The following LNX1 variants were observed in gnomAD, a reference collection of about 807,000 sequenced individuals.
LNX1 encodes the protein E3 ubiquitin-protein ligase LNX.
LNX1 carries 54 observed loss-of-function variants against 68.4 expected under a neutral mutation model. The ratio of observed to expected loss-of-function variants is 0.79; its 90% CI spans 0.63 to 0.99. LNX1 has a LOEUF of 0.99. LNX1 is among the 50% of genes least tolerant of loss of function. The pLI is 0.00. For missense variants in LNX1, 906 were observed against 926.4 expected, an observed-to-expected ratio of 0.98 and a Z score of 0.29; for synonymous variants, 336 against 350.0, an observed-to-expected ratio of 0.96 and a Z score of 0.45.
intron 2 of LNX1, among the ~76,000 whole-genome samples, chr4:53,526,010 T>G (rs559099148): frequency 1.3e-5 from 2 of 152,218 alleles, no homozygotes; most frequent in Non-Finnish European, 2.9e-5. Context: ...ATCAATAACT[T>G]GTTTATTGAC....
intron 1 of LNX1, among the ~76,000 whole-genome samples, chr4:53,651,871 T>G (rs1261117542): frequency 6.6e-6 from 1 of 152,166 alleles, no homozygotes; most frequent in Non-Finnish European, 1.5e-5. Flanking sequence ...TCATTTTCAT[T>G]TGTGAAAGTA....
intron 2 of LNX1, among the ~76,000 whole-genome samples, chr4:53,511,835 C>T (rs1248745546): frequency 6.6e-5 from 10 of 152,140 alleles, no homozygotes; most frequent in African/African-American, 2.4e-4. Flanking sequence ...AACAGGGCAG[C>T]GTGATCTGGG....
At chr4:53,508,356 G>C in intron 2 of LNX1, 129 bp from the exon 3 acceptor site, 2 of 1,121,786 alleles carry the variant, frequency 1.8e-6, no homozygotes, top group Non-Finnish European at 2.5e-6. Context: ...TTTGCCTGCC[G>C]CTATATCCTC....
At chr4:53,513,596 C>T (rs1726526905) in intron 2 of LNX1, among the ~76,000 whole-genome samples, 1 of 152,218 alleles carries the variant, frequency 6.6e-6, no homozygotes, top group Non-Finnish European at 1.5e-5. Flanking sequence ...ATCTGTCATT[C>T]AGGCCAAAAA....
At chr4:53,563,007 C>T (rs1378951329) in intron 2 of LNX1, among the ~76,000 whole-genome samples, 1 of 152,098 alleles carries the variant, frequency 6.6e-6, no homozygotes, top group Non-Finnish European at 1.5e-5. Context: ...GAGATCGAGA[C>T]CATTCTGGCT....
At chr4:53,644,799 A>G (rs1734821913) in intron 1 of LNX1, among the ~76,000 whole-genome samples, 1 of 152,140 alleles carries the variant, frequency 6.6e-6, no homozygotes, top group South Asian at 2.1e-4. Context: ...GGTCGTTATT[A>G]CCAACCCAGA....
chr4:53,592,215 C>G (rs1732542019), upstream of LNX1, among the ~76,000 whole-genome samples: 1 of 151,892 alleles, frequency 6.6e-6, no homozygotes, highest in Non-Finnish European at 1.5e-5. Flanking sequence ...CAATTAGGAG[C>G]AATTTAAATG....
intron 6 of LNX1, among the ~76,000 whole-genome samples, chr4:53,484,728 A>G (rs1217250056): frequency 6.6e-6 from 1 of 152,154 alleles, no homozygotes; most frequent in African/African-American, 2.4e-5. Flanking sequence ...GTGGCTGTAA[A>G]TTAAAGGAAC....
Position 53,493,843 on chromosome 4 carries a change from C to T in LNX1, c.1350+2180G>A, listed in dbSNP as rs531148626. Among the ~76,000 whole-genome samples, 5 of 152,338 alleles carry T rather than the reference C, an allele frequency of 3.3e-5. No homozygotes were observed. In the East Asian group the frequency reaches 9.6e-4, roughly 29 times the overall value. On this transcript the variant is annotated intron_variant, in intron 6 of 10. Coordinates refer to ENST00000263925, the MANE Select transcript of LNX1 (RefSeq NM_001126328.3). ...CCGCTGGATCTTGCCCTTCTCTTTT[C>T]AGCTCTCCACTGACTTGAGAGAGAT...
intron 2 of LNX1, among the ~76,000 whole-genome samples, chr4:53,511,165 C>T (rs1157754151): frequency 6.6e-6 from 1 of 152,208 alleles, no homozygotes; most frequent in Non-Finnish European, 1.5e-5. Context: ...AAAGGTTCTG[C>T]TAATGCAACT....
At chr4:53,611,642 A>G (rs2859547) in intron 2 of LNX1, among the ~76,000 whole-genome samples, 62,699 of 151,924 alleles carry the variant, frequency 0.41, 12,928 homozygotes, top group Admixed American at 0.45. Context: ...TGTGGTTTTT[A>G]CCACTAAAAT....
At chr4:53,486,386 C>T (rs530973883) in intron 6 of LNX1, among the ~76,000 whole-genome samples, 1 of 152,284 alleles carries the variant, frequency 6.6e-6, no homozygotes, top group Admixed American at 6.5e-5. Flanking sequence ...CACCCAGCAT[C>T]CCTCTCTTTT....
rs180890270 is a variant in LNX1 at position 53,511,676 on chromosome 4, G to C, written c.381-3449C>G. 2.0e-5 allele frequency among the ~76,000 whole-genome samples: 3 copies of C among 152,178 alleles called. No homozygotes were observed. The East Asian group carries it at 5.8e-4, about 29-fold the overall frequency. On this transcript the variant is annotated intron_variant, in intron 2 of 10. Transcript: ENST00000263925. ...ATGCCAGAATTTTTGTCTCTTTTGG[G>C]GTTGGAGGGGGGATAAGGAAAGAAA...
chr4:53,490,644 G>C (rs1429595374), intron 6 of LNX1, among the ~76,000 whole-genome samples: 1 of 152,174 alleles, frequency 6.6e-6, no homozygotes. Context: ...GGTACTGTGG[G>C]AGAGAACATG....
At chr4:53,601,291 G>C (rs938038010) in intron 2 of LNX1, among the ~76,000 whole-genome samples, 6 of 152,146 alleles carry the variant, frequency 3.9e-5, no homozygotes, top group Admixed American at 2.0e-4. Context: ...CCAGCCATCA[G>C]CCCAGGGTGG....
In LNX1 at chr4:53,591,478, C is replaced by A. The variant is rs146449578; in HGVS notation, c.-177G>T. ...TGAACCGAGCAGCTCCTTGGGCCGCCGGAGTTGTGACCAGCCTCAACTTCG... is the reference window on the plus strand; with the variant it reads ...TGAACCGAGCAGCTCCTTGGGCCGCAGGAGTTGTGACCAGCCTCAACTTCG... On this transcript the variant is annotated 5_prime_UTR_variant, in exon 1 of 11. Coordinates refer to ENST00000263925, the MANE Select transcript of LNX1 (RefSeq NM_001126328.3). The A allele has an allele frequency of 8.1e-6, 8 of 985,604 alleles. No individual in the cohort carries two copies. In the African/African-American group the frequency reaches 8.7e-5, roughly 11 times the overall value. The allele number at this position is 985,604 out of a possible 1,614,324, so 61.1% of individuals were successfully genotyped here. A position where few individuals can be genotyped will look rare whatever the true frequency, so the allele number is the denominator to read the frequency against.
chr4:53,531,538 C>T (rs1728024102), intron 2 of LNX1, among the ~76,000 whole-genome samples: 1 of 152,148 alleles, frequency 6.6e-6, no homozygotes, highest in Non-Finnish European at 1.5e-5. Flanking sequence ...ATTTAGTTTT[C>T]AAAATGTTTT....
intron 1 of LNX1, chr4:53,576,512 C>A: frequency 8.8e-7 from 1 of 1,140,142 alleles, no homozygotes; most frequent in Non-Finnish European, 1.1e-6. Flanking sequence ...CATCCAGGTG[C>A]TTTTGTAGAT....
At chr4:53,530,174 G>A (rs1436005357) in intron 2 of LNX1, among the ~76,000 whole-genome samples, 2 of 152,168 alleles carry the variant, frequency 1.3e-5, no homozygotes, top group African/African-American at 4.8e-5. Context: ...TGGTTATAGA[G>A]TTGTGCTCTC....
Sources: gnomAD v4.1 joint callset for allele counts (sites outside exome capture counted in the v4.1 genomes callset) on GRCh38, gnomAD v4.1.1 for gene constraint, MANE v1.5 for transcripts, NCBI Gene and HGNC (gene_info 2026-07-23, HGNC 2026-07-21) for gene names.